SNTB2: variants seen among roughly 807,000 people sequenced by gnomAD.
SNTB2 encodes syntrophin beta 2.
Under a neutral mutation model 46.2 loss-of-function variants are expected in SNTB2, and 34 were observed. That is an observed-to-expected ratio of 0.74 (90% CI 0.56 to 0.98). The LOEUF (loss-of-function observed/expected upper bound fraction) is 0.98, where lower values mean the gene tolerates loss of function less well. Among genes scored for constraint, SNTB2 ranks in the 50% least tolerant of loss-of-function variants. The pLI, the probability that SNTB2 is intolerant of heterozygous loss-of-function variation, is 0.00. For synonymous variants in SNTB2, 290 were observed against 312.6 expected (o/e 0.93, Z 0.76); for missense variants, 603 against 731.4 (o/e 0.82, Z 2.02).
intron 4 of SNTB2, among the ~76,000 whole-genome samples, chr16:69,282,714 C>A (rs1184127892): frequency 6.6e-6 from 1 of 152,036 alleles, no homozygotes; most frequent in Admixed American, 6.6e-5. Context: ...AGTCTTTCTA[C>A]CCATGAACGT....
chr16:69,247,072 A>ATT (rs1964678029), intron 2 of SNTB2, among the ~76,000 whole-genome samples: 1 of 122,638 alleles, frequency 8.2e-6, no homozygotes, highest in Non-Finnish European at 1.8e-5. Flanking sequence ...ATATATATTA[A>ATT]AAAAAAAAAA....
At chr16:69,255,517 G>A (rs1057402741) in intron 2 of SNTB2, among the ~76,000 whole-genome samples, 2 of 150,136 alleles carry the variant, frequency 1.3e-5, no homozygotes, top group African/African-American at 4.9e-5. Context: ...CCGAGATCAC[G>A]ACACTGCACT....
chr16:69,238,189 A>G (rs1170830167), intron 1 of SNTB2, among the ~76,000 whole-genome samples: 1 of 152,116 alleles, frequency 6.6e-6, no homozygotes, highest in African/African-American at 2.4e-5. Context: ...AAGAAGGAGG[A>G]GGGTGAGGTT....
intron 4 of SNTB2, 142 bp downstream of exon 4, chr16:69,270,427 GT>G: frequency 1.1e-6 from 1 of 939,198 alleles, no homozygotes; most frequent in Non-Finnish European, 1.6e-6. Context: ...AAAATTTTTT[GT>G]TTTACAACCT....
Position 69,307,521 on chromosome 16 carries a change from C to T in SNTB2, c.*6597C>T, listed in dbSNP as rs958341519. ...AGAAAGTCTTTCTTAAAAAATGCTTCTTTAACTGTAACAGCAAAACTAAAT... is the reference window on the plus strand; with the variant it reads ...AGAAAGTCTTTCTTAAAAAATGCTTTTTTAACTGTAACAGCAAAACTAAAT... On this transcript the variant is annotated 3_prime_UTR_variant, in exon 7 of 7. Transcript: ENST00000336278. 2.6e-5 allele frequency: 4 copies of T among 152,094 alleles called. No individual in the cohort carries two copies. Among genetic ancestry groups the T allele is most frequent in the African/African-American group, 9.7e-5 (4 of 41,418 alleles). 9.4% of individuals were successfully genotyped at this position (152,094 alleles called of 1,614,324 possible).
At chr16:69,237,599 C>CCTTCTT (rs1964570161) in intron 1 of SNTB2, among the ~76,000 whole-genome samples, 1 of 110,310 alleles carries the variant, frequency 9.1e-6, no homozygotes, top group Non-Finnish European at 1.9e-5. Context: ...TTCTTTCTTT[C>CCTTCTT]TTTCTTTTTT....
chr16:69,200,345 A>G (rs1035995182), intron 1 of SNTB2, among the ~76,000 whole-genome samples: 4 of 152,236 alleles, frequency 2.6e-5, no homozygotes, highest in Non-Finnish European at 5.9e-5. Context: ...TCAGCACGCT[A>G]GTATGAAATT....
At chr16:69,255,530 A>C (rs916193622) in intron 2 of SNTB2, among the ~76,000 whole-genome samples, 1 of 151,678 alleles carries the variant, frequency 6.6e-6, no homozygotes, top group South Asian at 2.1e-4. Flanking sequence ...ACTGCACTCC[A>C]GCCTGGGCGA....
chr16:69,220,535 T>C (rs943310296), intron 1 of SNTB2, among the ~76,000 whole-genome samples: 1 of 138,630 alleles, frequency 7.2e-6, no homozygotes, highest in Non-Finnish European at 1.6e-5. Flanking sequence ...CCATGTTTTG[T>C]TTTTTTTTTT....
intron 1 of SNTB2, among the ~76,000 whole-genome samples, chr16:69,225,506 A>T (rs1193453917): frequency 6.6e-6 from 1 of 152,144 alleles, no homozygotes; most frequent in Non-Finnish European, 1.5e-5. Context: ...ATTAGTAAGT[A>T]TTTTTATATT....
chr16:69,239,842 G>A (rs757986317), intron 1 of SNTB2, among the ~76,000 whole-genome samples: 5 of 152,182 alleles, frequency 3.3e-5, no homozygotes, highest in Admixed American at 6.5e-5. Flanking sequence ...ACGACGCCTG[G>A]CTAGAAACCA....
At chr16:69,189,556 A>G (rs1208238760) in intron 1 of SNTB2, among the ~76,000 whole-genome samples, 2 of 152,114 alleles carry the variant, frequency 1.3e-5, no homozygotes, top group African/African-American at 4.8e-5. Context: ...GGAGAACATG[A>G]CGAAACCTCG....
At chr16:69,295,359 C>T (rs894844602) in intron 5 of SNTB2, among the ~76,000 whole-genome samples, 1 of 148,456 alleles carries the variant, frequency 6.7e-6, no homozygotes, top group Non-Finnish European at 1.5e-5. Flanking sequence ...AAGGAATTCT[C>T]CTGCCTCAGC....
chr16:69,235,657 C>G (rs565947946), intron 1 of SNTB2: 1 of 1,211,186 alleles, frequency 8.3e-7, no homozygotes. Context: ...GAAAACAAAA[C>G]AAAAAACCCT....
chr16:69,289,888 C>G (rs1965144037), intron 5 of SNTB2, among the ~76,000 whole-genome samples: 1 of 152,122 alleles, frequency 6.6e-6, no homozygotes, highest in Non-Finnish European at 1.5e-5. Context: ...CGTCACTGCA[C>G]TCCAGTCTGG....
chr16:69,284,251 A>G lies in SNTB2; in HGVS notation c.1345+7A>G. ...ATCAAGGAAGTCTCTCTAGGTAGAG[A>G]TGCTGACTTTTTATTTCTAGTAGTA... On this transcript the variant is annotated splice_region_variant and intron_variant, in intron 5 of 6. Transcript: ENST00000336278. 2 of 1,588,906 alleles carry G rather than the reference A, an allele frequency of 1.3e-6. No homozygotes were observed. Among genetic ancestry groups the G allele is most frequent in the Non-Finnish European group, 1.7e-6 (2 of 1,166,920 alleles).
chr16:69,212,203 T>C (rs1256292309), intron 1 of SNTB2, among the ~76,000 whole-genome samples: 1 of 152,154 alleles, frequency 6.6e-6, no homozygotes, highest in African/African-American at 2.4e-5. Context: ...GCAGGCTTAT[T>C]TCTAGGTTAT....
At chr16:69,280,515 A>G (rs1268542597) in intron 4 of SNTB2, among the ~76,000 whole-genome samples, 10 of 145,122 alleles carry the variant, frequency 6.9e-5, no homozygotes, top group Non-Finnish European at 1.2e-4. Flanking sequence ...TCCCTCCCGG[A>G]TGGGGCGGCT....
intron 2 of SNTB2, among the ~76,000 whole-genome samples, chr16:69,249,504 C>T (rs1264688069): frequency 6.6e-6 from 1 of 152,192 alleles, no homozygotes; most frequent in Non-Finnish European, 1.5e-5. Context: ...CTTCGTCATT[C>T]ACTAAGGATT....
Sources: gnomAD v4.1 joint callset for allele counts (sites outside exome capture counted in the v4.1 genomes callset) on GRCh38, gnomAD v4.1.1 for gene constraint, MANE v1.5 for transcripts, NCBI Gene and HGNC (gene_info 2026-07-23, HGNC 2026-07-21) for gene names.